Variants in CNTNAP5 observed in about 807,000 individuals in gnomAD.
CNTNAP5 encodes contactin-associated protein-like 5.
Under a neutral mutation model 150.2 loss-of-function variants are expected in CNTNAP5, and 72 were observed. The ratio of observed to expected loss-of-function variants is 0.48; its 90% CI spans 0.40 to 0.58. The LOEUF is 0.58. Ranked by LOEUF, CNTNAP5 falls within the 20% of genes least tolerant of loss-of-function variation. CNTNAP5 has a pLI of 0.00. For missense variants in CNTNAP5, 1,636 were observed against 1,626.2 expected, an observed-to-expected ratio of 1.01 and a Z score of -0.10; for synonymous variants, 672 against 619.8, an observed-to-expected ratio of 1.08 and a Z score of -1.25.
At chr2:124,572,650 G>A (rs1348235183) in intron 11 of CNTNAP5, among the ~76,000 whole-genome samples, 1 of 152,166 alleles carries the variant, frequency 6.6e-6, no homozygotes, top group Non-Finnish European at 1.5e-5. Flanking sequence ...TAAGGGGAAA[G>A]GAATGGACAT....
intron 1 of CNTNAP5, among the ~76,000 whole-genome samples, chr2:124,068,868 C>T (rs371498817): frequency 7.9e-5 from 12 of 152,092 alleles, no homozygotes; most frequent in South Asian, 4.1e-4. Context: ...CAGAAAGGAA[C>T]GATCTGGTCC....
intron 6 of CNTNAP5, among the ~76,000 whole-genome samples, chr2:124,461,644 T>A (rs1311475311): frequency 6.6e-6 from 1 of 151,698 alleles, no homozygotes. Context: ...AACCTGCACA[T>A]TGTGCACATG....
chr2:124,609,830 A>G lies in CNTNAP5; in HGVS notation c.1786A>G (p.Arg596Gly). 3 of 1,613,986 alleles carry G rather than the reference A, an allele frequency of 1.9e-6. No homozygotes were observed. Among genetic ancestry groups the G allele is most frequent in the Non-Finnish European group, 2.5e-6 (3 of 1,179,876 alleles). ...SIYEQSCEVY[R>G]HQGNTAGFFY... is the part of the protein sequence containing the mutation. ...CTACGAGCAATCCTGCGAGGTGTAC[A>G]GGCACCAGGGGAATACAGCCGGCTT... Residue 596 changes from arginine to glycine, a missense_variant, in exon 12 of 24, where the codon AGG becomes GGG. Physicochemically the swap from Arg to Gly is moderately radical, Grantham distance 125. Coordinates refer to ENST00000682447, the MANE Select transcript of CNTNAP5 (RefSeq NM_001367498.1).
intron 10 of CNTNAP5, among the ~76,000 whole-genome samples, chr2:124,542,072 C>A (rs528672690): frequency 6.6e-6 from 1 of 151,840 alleles, no homozygotes; most frequent in South Asian, 2.1e-4. Flanking sequence ...CAAATGCATA[C>A]GTTATTGCAA....
intron 7 of CNTNAP5, among the ~76,000 whole-genome samples, chr2:124,487,150 T>A (rs1270688517): frequency 6.6e-6 from 1 of 152,182 alleles, no homozygotes; most frequent in Non-Finnish European, 1.5e-5. Flanking sequence ...TTTTCCCTGA[T>A]GCTGTAACAA....
intron 1 of CNTNAP5, among the ~76,000 whole-genome samples, chr2:124,188,515 G>C (rs557908717): frequency 6.7e-4 from 102 of 151,988 alleles, no homozygotes; most frequent in African/African-American, 1.5e-3. Flanking sequence ...GTCAGGAGAT[G>C]GAGACCATCC....
chr2:124,066,364 C>T (rs1233737744), intron 1 of CNTNAP5, among the ~76,000 whole-genome samples: 1 of 152,126 alleles, frequency 6.6e-6, no homozygotes, highest in Non-Finnish European at 1.5e-5. Flanking sequence ...TCACATTGTA[C>T]ATTTGGAGAT....
intron 3 of CNTNAP5, among the ~76,000 whole-genome samples, chr2:124,302,260 CAAAT>C (rs527957243): frequency 6.6e-5 from 10 of 152,190 alleles, no homozygotes; most frequent in African/African-American, 2.4e-4. Flanking sequence ...TAAGAATAAA[CAAAT>C]AAATAAATAA....
intron 12 of CNTNAP5, among the ~76,000 whole-genome samples, chr2:124,643,731 G>A (rs1678144426): frequency 6.6e-6 from 1 of 152,162 alleles, no homozygotes; most frequent in Admixed American, 6.5e-5. Context: ...TACTTCTATG[G>A]ATGCAAAGAT....
chr2:124,519,178 G>C (rs1204243109), intron 8 of CNTNAP5, among the ~76,000 whole-genome samples: 1 of 151,944 alleles, frequency 6.6e-6, no homozygotes, highest in Non-Finnish European at 1.5e-5. Flanking sequence ...GTTGGCCAGG[G>C]CTGGAGGTGC....
chr2:124,773,189 T>C (rs1296122622), intron 17 of CNTNAP5, among the ~76,000 whole-genome samples, 172 bp downstream of exon 17: 1 of 152,214 alleles, frequency 6.6e-6, no homozygotes, highest in Non-Finnish European at 1.5e-5. Context: ...CTTCATTGGC[T>C]ACATCGAGTT....
chr2:124,559,913 T>C (rs1695848766), intron 10 of CNTNAP5, among the ~76,000 whole-genome samples: 1 of 152,200 alleles, frequency 6.6e-6, no homozygotes, highest in African/African-American at 2.4e-5. Context: ...TGCTCATTTA[T>C]TATTATTTTT....
At position 124,625,161 on chromosome 2, in the gene CNTNAP5, C is replaced by T. The variant is rs143066088; in HGVS notation, c.1876+15241C>T. ...GTCTCTTGTTCACAGTCCCTTAACT[C>T]AATGCCATGGTGGAAAACTCCTCCA... On this transcript the variant is annotated intron_variant, in intron 12 of 23. Coordinates refer to ENST00000682447, the MANE Select transcript of CNTNAP5 (RefSeq NM_001367498.1). Among the ~76,000 whole-genome samples, 497 of 152,254 alleles carry T rather than the reference C, an allele frequency of 3.3e-3. 3 individuals are homozygous for T. The highest frequency in any genetic ancestry group is 0.011 in the African/African-American group (467 of 41,560).
rs868744169 is a variant in CNTNAP5 at position 124,674,570 on chromosome 2, T to C, written c.2077+26612T>C. On this transcript the variant is annotated intron_variant, in intron 13 of 23. Transcript: ENST00000682447. The stretch of plus-strand genomic sequence containing the variant: ...TTCTTTCTTCCTTTCTTCCTTTCTT[T>C]CTTTCTTTTCATCTCCTCCTACTCC... Among the ~76,000 whole-genome samples the C allele has an allele frequency of 6.9e-3, 876 of 127,828 alleles. 19 individuals are homozygous for C. The highest frequency in any genetic ancestry group is 0.04 in the Admixed American group (497 of 12,560). The allele number at this position is 127,828 out of a possible 152,430, so 83.9% of individuals were successfully genotyped here. A position where few individuals can be genotyped will look rare whatever the true frequency, so the allele number is the denominator to read the frequency against.
chr2:124,791,174 A>G (rs1303799737), intron 18 of CNTNAP5, among the ~76,000 whole-genome samples: 1 of 152,198 alleles, frequency 6.6e-6, no homozygotes, highest in African/African-American at 2.4e-5. Flanking sequence ...TACTGTTGGA[A>G]CTTAGAAACA....
intron 6 of CNTNAP5, among the ~76,000 whole-genome samples, chr2:124,467,719 A>G (rs34866066): frequency 9.9e-5 from 15 of 152,154 alleles, no homozygotes; most frequent in Non-Finnish European, 2.1e-4. Flanking sequence ...TCAATAGTCA[A>G]ATTATAACTT....
intron 1 of CNTNAP5, among the ~76,000 whole-genome samples, chr2:124,052,606 G>T (rs1441796503): frequency 6.6e-6 from 1 of 152,158 alleles, no homozygotes; most frequent in Non-Finnish European, 1.5e-5. Flanking sequence ...CTTTCTTGAG[G>T]GGGTGGAGAT....
intron 3 of CNTNAP5, among the ~76,000 whole-genome samples, chr2:124,416,945 T>A (rs1464717403): frequency 6.8e-6 from 1 of 147,936 alleles, no homozygotes; most frequent in African/African-American, 2.5e-5. Flanking sequence ...TCTTTTTTTT[T>A]TTTTTTTTTT....
Position 124,295,796 on chromosome 2 carries a change from C to T in CNTNAP5, c.381+53403C>T, listed in dbSNP as rs920087050. ...GTGGACAATTCCAGAACTGAGGGTT[C>T]CTCCCAATTTTAGACCATATAGGGT... is the stretch of plus-strand genomic sequence containing the variant. On this transcript the variant is annotated intron_variant, in intron 3 of 23. Transcript: ENST00000682447. 4.6e-5 allele frequency among the ~76,000 whole-genome samples: 7 copies of T among 152,100 alleles called. No homozygotes were observed. The South Asian group carries it at 8.3e-4, about 18-fold the overall frequency.
Sources: allele counts gnomAD v4.1 joint callset (sites outside exome capture counted in the v4.1 genomes callset), GRCh38; gene constraint gnomAD v4.1.1; transcripts MANE v1.5; gene names NCBI Gene and HGNC (gene_info 2026-07-23, HGNC 2026-07-21).